Variants in TCF12 observed in about 807,000 individuals in gnomAD.
TCF12 encodes the protein transcription factor 12.
A neutral mutation model predicts 86.0 loss-of-function variants in TCF12; 45 were observed. That is an observed-to-expected ratio of 0.52 (90% CI 0.41 to 0.67). The LOEUF (loss-of-function observed/expected upper bound fraction) is 0.67. Among genes scored for constraint, TCF12 ranks in the 30% least tolerant of loss-of-function variants. The pLI, the probability that TCF12 is intolerant of heterozygous loss-of-function variation, is 0.00. For synonymous variants in TCF12, 330 were observed against 299.6 expected (o/e 1.10, Z -1.05); for missense variants, 881 against 859.9 (o/e 1.02, Z -0.31).
intron 5 of TCF12, among the ~76,000 whole-genome samples, chr15:57,159,225 A>G (rs1276630019): frequency 6.6e-6 from 1 of 152,182 alleles, no homozygotes; most frequent in Non-Finnish European, 1.5e-5. Flanking sequence ...TTACTTTCCT[A>G]GTTGACTCAA....
chr15:56,955,066 A>T (rs1036828503), intron 3 of TCF12, among the ~76,000 whole-genome samples: 3 of 152,228 alleles, frequency 2.0e-5, no homozygotes, highest in Non-Finnish European at 4.4e-5. Context: ...TACCCAAAGG[A>T]TTATAAGTCA....
chr15:56,975,916 A>G (rs78061390), intron 3 of TCF12, among the ~76,000 whole-genome samples: 2,589 of 151,638 alleles, frequency 0.017, 81 homozygotes, highest in African/African-American at 0.056. Context: ...GGAAGCTTCA[A>G]ACACTACTGG....
intron 5 of TCF12, among the ~76,000 whole-genome samples, chr15:57,146,497 T>C (rs2053373875): frequency 6.6e-6 from 1 of 152,194 alleles, no homozygotes; most frequent in Non-Finnish European, 1.5e-5. Context: ...TTCTATTTAT[T>C]TCTGTGATAC....
At chr15:57,081,960 T>G (rs1398090238) in intron 4 of TCF12, among the ~76,000 whole-genome samples, 1 of 152,186 alleles carries the variant, frequency 6.6e-6, no homozygotes, top group African/African-American at 2.4e-5. Flanking sequence ...GAACCACTGA[T>G]CTATCAGCTG....
intron 5 of TCF12, among the ~76,000 whole-genome samples, chr15:57,134,117 T>A (rs571053905): frequency 6.6e-6 from 1 of 152,352 alleles, no homozygotes; most frequent in East Asian, 1.9e-4. Context: ...GTTCTTTTTT[T>A]AAAAGATTCT....
intron 4 of TCF12, among the ~76,000 whole-genome samples, chr15:57,075,648 G>A (rs1407079544): frequency 6.6e-6 from 1 of 152,018 alleles, no homozygotes; most frequent in Admixed American, 6.6e-5. Context: ...AAGTGAAAAT[G>A]ATAATCTGTT....
Position 57,063,770 on chromosome 15 carries a change from A to G in TCF12, c.169A>G (p.Thr57Ala). The change falls in exon 4 of 21, where the codon ACA becomes GCA. Residue 57 changes from threonine (T) to alanine (A), a missense_variant. By Grantham distance (58) the Thr-to-Ala change is moderately conservative. Transcript: ENST00000333725. ...TTTAGGTATTGATGAAAGAGGAGGTACAACATCTTGGGGAACAAGTGGTCA... is the reference window on the plus strand; with the variant it reads ...TTTAGGTATTGATGAAAGAGGAGGTGCAACATCTTGGGGAACAAGTGGTCA... ...SGSGIDERGG[T>A]TSWGTSGQPS... The G allele has an allele frequency of 6.2e-7, 1 of 1,604,122 alleles. No individual in the cohort carries two copies. Among genetic ancestry groups the G allele is most frequent in the Non-Finnish European group, 8.5e-7 (1 of 1,172,456 alleles).
chr15:57,170,723 T>TATA (rs2055359952), intron 6 of TCF12, among the ~76,000 whole-genome samples: 2 of 1,696 alleles, frequency 1.2e-3, no homozygotes, highest in African/African-American at 3.6e-3. Flanking sequence ...ATATATATAT[T>TATA]ATATATTATA....
At chr15:57,156,966 G>T (rs1332974268) in intron 5 of TCF12, among the ~76,000 whole-genome samples, 1 of 152,194 alleles carries the variant, frequency 6.6e-6, no homozygotes, top group Non-Finnish European at 1.5e-5. Flanking sequence ...AATTATTTAA[G>T]AGTGTGAATA....
At chr15:57,136,958 GTTTTT>G (rs869113042) in intron 5 of TCF12, among the ~76,000 whole-genome samples, 1 of 82,996 alleles carries the variant, frequency 1.2e-5, no homozygotes, top group East Asian at 3.9e-4. Flanking sequence ...GCTTCTGGCA[GTTTTT>G]TTTTTTGTTT....
rs183292555 is a variant in TCF12, at chr15:57,197,881, G to A, written c.579+56G>A. 23 of 1,557,374 alleles carry A rather than the reference G, an allele frequency of 1.5e-5. No homozygotes were observed. The African/African-American group carries it at 1.8e-4, about 12-fold the overall frequency. On this transcript the variant is annotated intron_variant, in intron 8 of 20. Coordinates refer to ENST00000333725, the MANE Select transcript of TCF12 (RefSeq NM_207037.2). ...TAAACAAACTGATTTCAAGTGTTCC[G>A]TATTACCTTGCTACAAGGGTACATT...
intron 3 of TCF12, among the ~76,000 whole-genome samples, chr15:57,022,457 A>G (rs1042700737): frequency 1.3e-5 from 2 of 152,164 alleles, no homozygotes; most frequent in Non-Finnish European, 2.9e-5. Context: ...TTCTTAATCT[A>G]GTCTATCATT....
intron 7 of TCF12, among the ~76,000 whole-genome samples, 178 bp downstream of exon 7, chr15:57,192,471 C>T (rs1401194848): frequency 6.6e-6 from 1 of 152,046 alleles, no homozygotes; most frequent in African/African-American, 2.4e-5. Flanking sequence ...TTACCGCAGT[C>T]TCAACCTCCT....
intron 3 of TCF12, among the ~76,000 whole-genome samples, chr15:56,951,377 A>G (rs897499552): frequency 5.3e-5 from 8 of 152,138 alleles, no homozygotes; most frequent in African/African-American, 1.2e-4. Context: ...TCTGTTGTCA[A>G]TTTTAAAAAT....
chr15:57,221,795 A>G (rs1489451362), intron 8 of TCF12, among the ~76,000 whole-genome samples: 1 of 152,158 alleles, frequency 6.6e-6, no homozygotes, highest in Non-Finnish European at 1.5e-5. Flanking sequence ...AGTTATTAGA[A>G]GTCATTGGCA....
rs533094126 is a variant in TCF12 at position 57,102,466 on chromosome 15, C to T, written c.325+10575C>T. Among the ~76,000 whole-genome samples the T allele has an allele frequency of 3.3e-5, 5 of 152,160 alleles. No individual in the cohort carries two copies. In the South Asian group the frequency reaches 6.2e-4, roughly 19 times the overall value. On this transcript the variant is annotated intron_variant, in intron 5 of 20. Transcript: ENST00000333725. ...TACCAAAATTAGCTGGGCGTCGTGA[C>T]GCACACCTGTAATTCCAGCTACTAG...
intron 3 of TCF12, among the ~76,000 whole-genome samples, chr15:57,042,363 A>G (rs1172228617): frequency 1.3e-5 from 2 of 152,148 alleles, no homozygotes; most frequent in Non-Finnish European, 2.9e-5. Flanking sequence ...TAAAAAGATA[A>G]TGGCTAAAGA....
intron 3 of TCF12, among the ~76,000 whole-genome samples, chr15:57,007,760 T>G (rs1389441851): frequency 7.2e-5 from 3 of 41,492 alleles, no homozygotes; most frequent in African/African-American, 2.7e-4. Flanking sequence ...TTTTCCTTCT[T>G]TCTTTCTTTC....
At chr15:57,196,469 C>T (rs1281926292) in intron 7 of TCF12, among the ~76,000 whole-genome samples, 1 of 152,124 alleles carries the variant, frequency 6.6e-6, no homozygotes, top group Non-Finnish European at 1.5e-5. Context: ...TTGTTTAATT[C>T]CCATTTTTAC....
Sources: allele counts gnomAD v4.1 joint callset (sites outside exome capture counted in the v4.1 genomes callset), GRCh38; gene constraint gnomAD v4.1.1; transcripts MANE v1.5; gene names NCBI Gene and HGNC (gene_info 2026-07-23, HGNC 2026-07-21).